Variants in UGT1A4 observed in about 807,000 individuals in gnomAD.
The protein encoded by UGT1A4 is UDP glucuronosyltransferase family 1 member A4.
UGT1A4 carries 32 observed loss-of-function variants against 41.1 expected under a neutral mutation model. The ratio of observed to expected loss-of-function variants is 0.78; its 90% confidence interval spans 0.59 to 1.05. The LOEUF is 1.05. Ranked by LOEUF, UGT1A4 falls within the 50% of genes least tolerant of loss-of-function variation. UGT1A4 has a pLI of 0.00. For synonymous variants in UGT1A4, 283 were observed against 265.1 expected, an observed-to-expected ratio of 1.07 and a Z score of -0.66; for missense variants, 748 against 677.4, an observed-to-expected ratio of 1.10 and a Z score of -1.16.
At position 233,761,028 on chromosome 2, in the gene UGT1A4, A is replaced by G. The variant is rs1400753834; in HGVS notation, c.868-6006A>G. The G allele has an allele frequency of 9.3e-6, 15 of 1,614,144 alleles. No individual in the cohort carries two copies. Among genetic ancestry groups the G allele is most frequent in the Non-Finnish European group, 1.3e-5 (15 of 1,180,012 alleles). Reference sequence around the variant, plus strand: ...AGAGAGAGGTGACTGTCCAGGACCTATTGAGCTCTGCATCTGTCTGGCTGT... The same window carrying G: ...AGAGAGAGGTGACTGTCCAGGACCTGTTGAGCTCTGCATCTGTCTGGCTGT... On this transcript the variant is annotated intron_variant, in intron 1 of 4. Transcript: ENST00000373409.
At chr2:233,746,500 G>A (rs1693410791) in intron 1 of UGT1A4, among the ~76,000 whole-genome samples, 1 of 151,712 alleles carries the variant, frequency 6.6e-6, no homozygotes, top group African/African-American at 2.4e-5. Context: ...TCACTCTTTA[G>A]TAGCCCCCAA....
intron 1 of UGT1A4, among the ~76,000 whole-genome samples, chr2:233,735,334 C>G (rs2078639542): frequency 6.6e-6 from 1 of 152,026 alleles, no homozygotes; most frequent in South Asian, 2.1e-4. Flanking sequence ...ATTGCAACCC[C>G]TGCTTTTTTT....
chr2:233,743,960 G>T, intron 1 of UGT1A4: 4 of 1,334,214 alleles, frequency 3.0e-6, no homozygotes, highest in Admixed American at 2.0e-5. Context: ...CACAGCGAGC[G>T]GCAAGGCTGC....
intron 1 of UGT1A4, chr2:233,740,934 T>G (rs1244691991): frequency 6.6e-6 from 1 of 151,802 alleles, no homozygotes; most frequent in East Asian, 1.9e-4. Flanking sequence ...AAAGTTTTTT[T>G]TTTAATTAGC....
intron 1 of UGT1A4, among the ~76,000 whole-genome samples, chr2:233,763,852 CACAG>C (rs1251702771): frequency 6.6e-6 from 1 of 152,136 alleles, no homozygotes; most frequent in Admixed American, 6.5e-5. Flanking sequence ...AGCAGTGGTT[CACAG>C]ACAATCGCAA....
At position 233,719,027 on chromosome 2, in the gene UGT1A4, C is replaced by T; in HGVS notation, c.207C>T (p.Ile69=). ...VVLTPEVNMH[I]KEEKFFTLTA... ...TCACCCCAGAGGTGAATATGCACAT[C>T]AAAGAAGAGAAATTTTTCACCCTGA... The change falls in exon 1 of 5, where the codon ATC becomes ATT. Residue 69 remains isoleucine, a synonymous_variant. Transcript: ENST00000373409. 1 of 1,614,228 alleles carries T rather than the reference C, an allele frequency of 6.2e-7. No homozygotes were observed. Among genetic ancestry groups the T allele is most frequent in the Non-Finnish European group, 8.5e-7 (1 of 1,180,040 alleles).
At chr2:233,767,613 G>C (rs1438949419) in intron 2 of UGT1A4, among the ~76,000 whole-genome samples, 4 of 152,108 alleles carry the variant, frequency 2.6e-5, no homozygotes, top group African/African-American at 9.7e-5. Flanking sequence ...AAAATCCTAA[G>C]TGCACAGCTT....
At chr2:233,725,966 G>A (rs1413354611) in intron 1 of UGT1A4, among the ~76,000 whole-genome samples, 1 of 152,090 alleles carries the variant, frequency 6.6e-6, no homozygotes, top group Non-Finnish European at 1.5e-5. Context: ...AGGAGTCTGA[G>A]AGCAGCCTGG....
chr2:233,730,639 T>C (rs1444875009), intron 1 of UGT1A4, among the ~76,000 whole-genome samples: 1 of 152,130 alleles, frequency 6.6e-6, no homozygotes, highest in African/African-American at 2.4e-5. Context: ...TGGTGCATGA[T>C]GTGGGGACAT....
intron 1 of UGT1A4, chr2:233,743,054 C>T (rs1031836290): frequency 1.9e-5 from 6 of 321,426 alleles, no homozygotes; most frequent in South Asian, 8.2e-5. Context: ...GTAGTCCCAA[C>T]GATAAGAACA....
intron 1 of UGT1A4, among the ~76,000 whole-genome samples, chr2:233,725,934 T>C (rs986998234): frequency 1.6e-4 from 25 of 152,166 alleles, no homozygotes; most frequent in Admixed American, 5.2e-4. Context: ...GGGAGACTGA[T>C]GCAGGAGGAT....
intron 1 of UGT1A4, among the ~76,000 whole-genome samples, chr2:233,759,628 CCTT>C (rs1265834229): frequency 8.9e-6 from 1 of 112,932 alleles, no homozygotes; most frequent in Admixed American, 1.4e-4. Context: ...CTGTTCATTT[CCTT>C]CTTAGCATGC....
At chr2:233,771,035 G>A (rs1472903021) in intron 4 of UGT1A4, 1 of 152,036 alleles carries the variant, frequency 6.6e-6, no homozygotes, top group South Asian at 2.1e-4. Context: ...TGGGGGGGAA[G>A]GTGCCACACA....
intron 1 of UGT1A4, among the ~76,000 whole-genome samples, chr2:233,739,930 G>GGGGA (rs1270425861): frequency 6.6e-6 from 1 of 151,694 alleles, no homozygotes; most frequent in Non-Finnish European, 1.5e-5. Context: ...ATCCCCATGT[G>GGGGA]TTAAGGTTGG....
intron 1 of UGT1A4, among the ~76,000 whole-genome samples, chr2:233,725,047 C>G (rs528406821): frequency 6.8e-6 from 1 of 147,932 alleles, no homozygotes; most frequent in Non-Finnish European, 1.5e-5. Context: ...ACCAGTCAGG[C>G]GTGGCGGCGC....
At chr2:233,749,028 G>A (rs564218690) in intron 1 of UGT1A4, among the ~76,000 whole-genome samples, 2 of 151,604 alleles carry the variant, frequency 1.3e-5, no homozygotes, top group Non-Finnish European at 2.9e-5. Flanking sequence ...AATATTTGGG[G>A]TTCATTGATG....
intron 1 of UGT1A4, among the ~76,000 whole-genome samples, chr2:233,764,723 G>A (rs547202766): frequency 1.3e-5 from 2 of 152,270 alleles, no homozygotes; most frequent in African/African-American, 4.8e-5. Flanking sequence ...CAAGAAAGAG[G>A]GAGAGAAAGA....
At chr2:233,736,510 T>C (rs77531777) in intron 1 of UGT1A4, among the ~76,000 whole-genome samples, 9,193 of 152,294 alleles carry the variant, frequency 0.06, 873 homozygotes, top group African/African-American at 0.21. Flanking sequence ...AGCCTACTTC[T>C]GTCAACTCGT....
chr2:233,765,361 G>A (rs1166048656), intron 1 of UGT1A4, among the ~76,000 whole-genome samples: 1 of 152,180 alleles, frequency 6.6e-6, no homozygotes, highest in Non-Finnish European at 1.5e-5. Context: ...CAACCCAGAT[G>A]CCCATCAATG....
Sources: gnomAD v4.1 joint callset for allele counts (sites outside exome capture counted in the v4.1 genomes callset) on GRCh38, gnomAD v4.1.1 for gene constraint, MANE v1.5 for transcripts, NCBI Gene and HGNC (gene_info 2026-07-23, HGNC 2026-07-21) for gene names.